The following CIT variants were observed in gnomAD, a reference collection of about 807,000 sequenced individuals.
CIT encodes citron Rho-interacting kinase.
CIT carries 79 observed loss-of-function variants against 272.7 expected under a neutral mutation model. The observed-to-expected ratio is 0.29, with a 90% CI of 0.24 to 0.35. The LOEUF (loss-of-function observed/expected upper bound fraction) is 0.35, where lower values mean the gene tolerates loss of function less well. CIT is among the 10% of genes least tolerant of loss of function. The pLI is 1.00. For missense variants in CIT, 1,909 were observed against 2,618.3 expected, an observed-to-expected ratio of 0.73 and a Z score of 5.91; for synonymous variants, 948 against 995.6, an observed-to-expected ratio of 0.95 and a Z score of 0.90.
chr12:119,720,952 C>T (rs918682833), intron 29 of CIT, among the ~76,000 whole-genome samples: 2 of 152,062 alleles, frequency 1.3e-5, no homozygotes, highest in Non-Finnish European at 2.9e-5. Context: ...TCATGCTTTG[C>T]CTCTGCAGAC....
intron 7 of CIT, among the ~76,000 whole-genome samples, chr12:119,829,062 T>A (rs1968395978): frequency 6.6e-6 from 1 of 152,034 alleles, no homozygotes; most frequent in Non-Finnish European, 1.5e-5. Context: ...AAGAGTTAGC[T>A]TAGCAGGTTC....
chr12:119,765,056 G>A (rs1962253798), intron 19 of CIT, among the ~76,000 whole-genome samples: 2 of 151,994 alleles, frequency 1.3e-5, no homozygotes, highest in Non-Finnish European at 2.9e-5. Flanking sequence ...TGATCCACCC[G>A]CCTCTGCCAC....
chr12:119,766,998 G>T, intron 19 of CIT, 89 bp downstream of exon 19: 1 of 873,970 alleles, frequency 1.1e-6, no homozygotes, highest in Non-Finnish European at 1.7e-6. Flanking sequence ...CTTTGGTCCA[G>T]CAAGAAATGG....
At chr12:119,786,253 C>T (rs2137727127) in intron 10 of CIT, among the ~76,000 whole-genome samples, 1 of 152,254 alleles carries the variant, frequency 6.6e-6, no homozygotes, top group East Asian at 1.9e-4. Flanking sequence ...GCTTGATGCA[C>T]TTGCTTATAC....
intron 28 of CIT, among the ~76,000 whole-genome samples, chr12:119,723,288 G>T (rs1438384386): frequency 6.6e-6 from 1 of 151,922 alleles, no homozygotes; most frequent in African/African-American, 2.4e-5. Context: ...AACAAGTGCT[G>T]GGGACGAGAA....
At chr12:119,767,933 C>T (rs1167282796) in intron 18 of CIT, among the ~76,000 whole-genome samples, 1 of 136,254 alleles carries the variant, frequency 7.3e-6, no homozygotes, top group Non-Finnish European at 1.6e-5. Context: ...TTTTTTTAGA[C>T]GGATTTTCAC....
intron 46 of CIT, among the ~76,000 whole-genome samples, chr12:119,695,689 A>G (rs1956188433): frequency 6.6e-6 from 1 of 152,068 alleles, no homozygotes; most frequent in Non-Finnish European, 1.5e-5. Context: ...CCAGCTGCTC[A>G]TCAGGCTGAG....
chr12:119,741,421 C>A (rs1357097144), intron 24 of CIT, among the ~76,000 whole-genome samples: 1 of 152,276 alleles, frequency 6.6e-6, no homozygotes, highest in African/African-American at 2.4e-5. Context: ...ATTGGGGTTA[C>A]CCAGTTGTCT....
intron 10 of CIT, among the ~76,000 whole-genome samples, chr12:119,799,004 A>C (rs1003016455): frequency 6.6e-6 from 1 of 152,158 alleles, no homozygotes; most frequent in Non-Finnish European, 1.5e-5. Flanking sequence ...GGACCTTCTA[A>C]TTCTGTTCCC....
intron 5 of CIT, among the ~76,000 whole-genome samples, chr12:119,849,360 G>C (rs1324341251): frequency 6.6e-6 from 1 of 151,856 alleles, no homozygotes; most frequent in East Asian, 2.0e-4. Context: ...CTGGGAGGTG[G>C]AGATTGCAGT....
In CIT at chr12:119,855,419, A is replaced by AAAAT. The variant is rs781576567; in HGVS notation, c.414+2100_414+2103dup. Among the ~76,000 whole-genome samples the AAAAT allele has an allele frequency of 3.8e-3, 571 of 152,048 alleles. 1 individual carries two copies. The highest frequency in any genetic ancestry group is 0.011 in the African/African-American group (437 of 41,476). ...GCCTGGGTGACAGAGACTCTGTCTC[A>AAAAT]AAATAAATAAATAAATAAATAAATA... On this transcript the variant is annotated intron_variant, in intron 4 of 47. Coordinates refer to ENST00000392521, the MANE Select transcript of CIT (RefSeq NM_001206999.2).
chr12:119,830,745 C>T (rs971646181), intron 7 of CIT, among the ~76,000 whole-genome samples: 4 of 152,130 alleles, frequency 2.6e-5, no homozygotes, highest in African/African-American at 7.2e-5. Context: ...TCTTATACAG[C>T]GCATCCCCCA....
At position 119,708,224 on chromosome 12, in the gene CIT, G is replaced by A. The variant is rs756936807; in HGVS notation, c.5166C>T (p.Asn1722=). The change falls in exon 40 of 48, where the codon AAC becomes AAT. Residue 1722 remains asparagine (N), a synonymous_variant. Transcript: ENST00000392521. ...HLPAQPDISP[N]IFEAVKGCHL... is the part of the protein sequence containing the mutation. ...GGCAGCCCTTGACAGCTTCAAAAAT[G>A]TTGGGTGAGATGTCGGGCTGGGCAG... 9 of 1,605,894 alleles carry A rather than the reference G, an allele frequency of 5.6e-6. No individual in the cohort carries two copies. The highest frequency in any genetic ancestry group is 2.2e-5 in the South Asian group (2 of 89,380).
rs1229588709 is a variant in CIT, at chr12:119,869,140, T to C, written c.158A>G (p.Asp53Gly). 1.2e-6 allele frequency: 2 copies of C among 1,613,406 alleles called. No homozygotes were observed. ...TTCTTCAAAGAGAACAAAGAGGGCA[T>C]CTAATATCCCTTCTCGGGAAAGAGG... ...MSPLSREGIL[D>G]ALFVLFEECS... The change falls in exon 3 of 48, where the codon GAT becomes GGT. Residue 53 changes from aspartate (D) to glycine (G), a missense_variant. Transcript: ENST00000392521.
At chr12:119,751,155 AGGT>A (rs1312883754) in intron 23 of CIT, among the ~76,000 whole-genome samples, 1 of 152,162 alleles carries the variant, frequency 6.6e-6, no homozygotes, top group Non-Finnish European at 1.5e-5. Context: ...CTCACAGTCT[AGGT>A]CCTCCGGGGA....
rs576223052 is a variant in CIT, at chr12:119,830,412, G to C, written c.753+2359C>G. Among the ~76,000 whole-genome samples, 56 of 152,016 alleles carry C rather than the reference G, an allele frequency of 3.7e-4. 2 individuals are homozygous for C. In the South Asian group the frequency reaches 8.1e-3, roughly 22 times the overall value. On this transcript the variant is annotated intron_variant, in intron 7 of 47. Transcript: ENST00000392521. ...ACTGGGAACCCTGTCTCTCCACCAAGAGCTCCGAAGAGAATGACCCCAGAC... is the reference window on the plus strand; with the variant it reads ...ACTGGGAACCCTGTCTCTCCACCAACAGCTCCGAAGAGAATGACCCCAGAC...
intron 19 of CIT, 131 bp downstream of exon 19, chr12:119,766,956 T>C (rs893569574): frequency 4.2e-6 from 2 of 477,146 alleles, no homozygotes; most frequent in South Asian, 8.4e-5. Context: ...TCTCTCACCA[T>C]GGAATAAGGA....
At chr12:119,793,634 G>A (rs1349188184) in intron 10 of CIT, among the ~76,000 whole-genome samples, 2 of 152,200 alleles carry the variant, frequency 1.3e-5, no homozygotes, top group African/African-American at 4.8e-5. Context: ...TGTTCATTGA[G>A]CACCCATAGG....
chr12:119,719,056 T>A (rs973793584), intron 30 of CIT, 195 bp from the exon 31 acceptor site: 10 of 572,956 alleles, frequency 1.7e-5, no homozygotes, highest in African/African-American at 1.7e-4. Flanking sequence ...CTGAAAAAAA[T>A]AGGGGTGCGG....
Sources: gnomAD v4.1 joint callset for allele counts (sites outside exome capture counted in the v4.1 genomes callset) on GRCh38, gnomAD v4.1.1 for gene constraint, MANE v1.5 for transcripts, NCBI Gene and HGNC (gene_info 2026-07-23, HGNC 2026-07-21) for gene names.